Variants in SERINC2 observed in about 807,000 individuals in gnomAD.
SERINC2 encodes the protein serine incorporator 2, also known as tumor differentially expressed protein 2.
A neutral mutation model predicts 54.2 loss-of-function variants in SERINC2; 56 were observed. That is an observed-to-expected ratio of 1.03 (90% CI 0.83 to 1.29). SERINC2 has a LOEUF of 1.29. Among genes scored for constraint, SERINC2 ranks in the 50% most tolerant of loss-of-function variants. SERINC2 has a pLI of 0.00. For synonymous variants in SERINC2, 272 were observed against 253.1 expected (o/e 1.07, Z -0.71); for missense variants, 614 against 607.4 (o/e 1.01, Z -0.12).
Position 31,413,913 on chromosome 1 carries a change from C to G in SERINC2, c.39+609C>G. 1 of 1,483,288 alleles carries G rather than the reference C, an allele frequency of 6.7e-7. No individual in the cohort carries two copies. The highest frequency in any genetic ancestry group is 8.9e-7 in the Non-Finnish European group (1 of 1,124,560). 91.9% of individuals were successfully genotyped at this position (1,483,288 alleles called of 1,614,324 possible). Reference sequence around the variant, plus strand: ...CCCGTCCGCCCGTCCGTCCCTCAGTCTCTCTGCGGTCCCTTTACCGTCCTC... The same window carrying G: ...CCCGTCCGCCCGTCCGTCCCTCAGTGTCTCTGCGGTCCCTTTACCGTCCTC... On this transcript the variant is annotated intron_variant, in intron 1 of 9. Transcript: ENST00000373709. The surrounding 1 kb of genome is among the most constrained non-coding windows in gnomAD (Gnocchi z 5.0).
intron 8 of SERINC2, among the ~76,000 whole-genome samples, chr1:31,432,119 T>TGAGGGTGGAGAGGGTGGAGAGGGTGGA (rs1557501382): frequency 1.0e-4 from 1 of 9,726 alleles, no homozygotes; most frequent in Non-Finnish European, 1.8e-4. Context: ...GATAGGGTGG[T>TGAGGGTGGAGAGGGTGGAGAGGGTGGA]TAGGGTGGAT....
intron 6 of SERINC2, 127 bp from the exon 7 acceptor site, chr1:31,428,851 A>G: frequency 2.8e-6 from 2 of 722,520 alleles, no homozygotes; most frequent in Non-Finnish European, 2.5e-6. Context: ...TGTTTTCCCT[A>G]AGTGGGGTGT....
intron 1 of SERINC2, among the ~76,000 whole-genome samples, chr1:31,421,954 C>T (rs1434602855): frequency 6.6e-6 from 1 of 152,186 alleles, no homozygotes; most frequent in Non-Finnish European, 1.5e-5. Context: ...TTTGGTCTGG[C>T]AGTGTCTCCT....
At chr1:31,432,815 G>T (rs965103280) in intron 8 of SERINC2, 152 bp from the exon 9 acceptor site, 4 of 616,562 alleles carry the variant, frequency 6.5e-6, no homozygotes, top group Non-Finnish European at 8.6e-6. Context: ...ATGGGAGTGG[G>T]GGTAGGGGTA....
chr1:31,432,177 GGTGGATAGGGTGGTTAGA>G (rs1641308801), intron 8 of SERINC2, among the ~76,000 whole-genome samples: 6 of 148,258 alleles, frequency 4.0e-5, no homozygotes, highest in African/African-American at 7.5e-5. Flanking sequence ...GGGTGGATAG[GGTGGATAGGGTGGTTAGA>G]GTGGAGAGAG....
At position 31,413,766 on chromosome 1, in the gene SERINC2, C is replaced by G. The variant is rs1445034250; in HGVS notation, c.39+462C>G. ...GTGCCCTGCCCTACCCCTCTGGCCG[C>G]CTGCCAGTCCGCCTGTTCCTGTCGC... On this transcript the variant is annotated intron_variant, in intron 1 of 9. Coordinates refer to ENST00000373709, the MANE Select transcript of SERINC2 (RefSeq NM_178865.5). The surrounding 1 kb of genome is among the most constrained non-coding windows in gnomAD (Gnocchi z 5.0). 2.2e-6 allele frequency: 3 copies of G among 1,378,394 alleles called. No homozygotes were observed. Among genetic ancestry groups the G allele is most frequent in the Non-Finnish European group, 2.8e-6 (3 of 1,073,356 alleles). The allele number at this position is 1,378,394 out of a possible 1,614,324, so 85.4% of individuals were successfully genotyped here.
intron 3 of SERINC2, 111 bp from the exon 4 acceptor site, chr1:31,425,219 C>A: frequency 2.4e-6 from 2 of 841,688 alleles, no homozygotes; most frequent in Admixed American, 1.8e-5. Context: ...ACCCTCACCC[C>A]TCTCAGCACC....
In SERINC2 at chr1:31,426,948, C is replaced by T. The variant is rs1314484811; in HGVS notation, c.780+125C>T. The T allele has an allele frequency of 1.9e-5, 16 of 829,378 alleles. No individual in the cohort carries two copies. In the South Asian group the frequency reaches 2.6e-4, roughly 13 times the overall value. The allele number at this position is 829,378 out of a possible 1,614,324, so 51.4% of individuals were successfully genotyped here. A position where few individuals can be genotyped will look rare whatever the true frequency, so the allele number is the denominator to read the frequency against. ...GGCACGGCCTGAGTGTGTGGGCTCC[C>T]AGGTCAGCCTCCCCAGGTTATAGTC... On this transcript the variant is annotated intron_variant, in intron 6 of 9. Transcript: ENST00000373709.
chr1:31,432,156 CAGGGTGGAT>C (rs1184328936), intron 8 of SERINC2, among the ~76,000 whole-genome samples: 60 of 4,556 alleles, frequency 0.013, 9 homozygotes, highest in East Asian at 0.04. Context: ...ACAGGGTGGA[CAGGGTGGAT>C]AGGGTGGATA....
chr1:31,413,982 C>T lies in SERINC2; in HGVS notation c.39+678C>T, dbSNP rs552897655. 2.0e-6 allele frequency: 3 copies of T among 1,529,506 alleles called. No homozygotes were observed. The highest frequency in any genetic ancestry group is 2.4e-5 in the South Asian group (2 of 83,646). The allele number at this position is 1,529,506 out of a possible 1,614,324, so 94.7% of individuals were successfully genotyped here. Reference sequence around the variant, plus strand: ...TCTCAGGCACTTCCCCAGCTCGCCCCGGATCATCTGGGCCCCAGCGCGGAG... The same window carrying T: ...TCTCAGGCACTTCCCCAGCTCGCCCTGGATCATCTGGGCCCCAGCGCGGAG... On this transcript the variant is annotated intron_variant, in intron 1 of 9. Transcript: ENST00000373709. This position sits in a 1 kb window ranked among gnomAD's most constrained non-coding sequence, Gnocchi z 5.0.
chr1:31,427,251 A>G (rs1462011469), intron 6 of SERINC2, among the ~76,000 whole-genome samples: 1 of 152,140 alleles, frequency 6.6e-6, no homozygotes, highest in East Asian at 1.9e-4. Context: ...GTAGTGTAGG[A>G]AGGTGCAATT....
At chr1:31,432,084 T>TGGAC (rs1641279980) in intron 8 of SERINC2, among the ~76,000 whole-genome samples, 3 of 13,444 alleles carry the variant, frequency 2.2e-4, no homozygotes, top group Admixed American at 8.0e-4. Flanking sequence ...ACAGGGTGGT[T>TGGAC]AGGGTGGACA....
chr1:31,432,053 TGGACAG>T lies in SERINC2; in HGVS notation c.1014-911_1014-906del, dbSNP rs1641269966. On this transcript the variant is annotated intron_variant, in intron 8 of 9. Coordinates refer to ENST00000373709, the MANE Select transcript of SERINC2 (RefSeq NM_178865.5). The stretch of plus-strand genomic sequence containing the variant: ...GACAGGGTGGACAGGGTGGACAGGG[TGGACAG>T]GGTGGACAGGGTGGACAGGGTGGTT... 3.8e-5 allele frequency among the ~76,000 whole-genome samples: 5 copies of T among 131,054 alleles called. 1 individual carries two copies. The highest frequency in any genetic ancestry group is 1.6e-4 in the African/African-American group (5 of 31,662). 86.0% of individuals were successfully genotyped at this position (131,054 alleles called of 152,430 possible).
intron 1 of SERINC2, among the ~76,000 whole-genome samples, chr1:31,421,146 T>C (rs375915653): frequency 4.6e-5 from 7 of 152,104 alleles, no homozygotes; most frequent in African/African-American, 1.7e-4. Context: ...CTCATAGGAG[T>C]GCGAACCCTA....
chr1:31,432,204 A>ATAGGGTGGTTAGG (rs1641314479), intron 8 of SERINC2, among the ~76,000 whole-genome samples: 2 of 46,426 alleles, frequency 4.3e-5, no homozygotes, highest in Non-Finnish European at 5.1e-5. Flanking sequence ...GAGTGGAGAG[A>ATAGGGTGGTTAGG]GTGGACAGGG....
At chr1:31,431,867 A>ATAGGATGGT in intron 8 of SERINC2, among the ~76,000 whole-genome samples, 1 of 137,040 alleles carries the variant, frequency 7.3e-6, no homozygotes, top group African/African-American at 2.9e-5. Context: ...GATAGGGTGG[A>ATAGGATGGT]TAGGGTGGAC....
At chr1:31,432,890 C>A in intron 8 of SERINC2, 77 bp from the exon 9 acceptor site, 2 of 1,216,018 alleles carry the variant, frequency 1.6e-6, no homozygotes, top group Non-Finnish European at 2.3e-6. Flanking sequence ...GCCTCTGAGG[C>A]TCTGGGACCA....
Position 31,428,980 on chromosome 1 carries a change from C to T in SERINC2, c.783C>T (p.Asp261=), listed in dbSNP as rs558799797. 49 of 1,613,488 alleles carry T rather than the reference C, an allele frequency of 3.0e-5. No individual in the cohort carries two copies. The highest frequency in any genetic ancestry group is 4.0e-5 in the African/African-American group (3 of 74,830). Residue 261 remains aspartate, a splice_region_variant and synonymous_variant, in exon 7 of 10, where the codon GAC becomes GAT. Transcript: ENST00000373709. ...SIAAVLPKVQ[D]AQPNSGLLQA... The stretch of plus-strand genomic sequence containing the variant: ...CTTACCAGGGGTCCTCTTGCCAGGA[C>T]GCCCAGCCCAACTCGGGTCTGCTGC...
rs971982543 is a variant in SERINC2 at position 31,423,841 on chromosome 1, G to A, written c.188G>A (p.Ser63Asn). The A allele has an allele frequency of 2.5e-6, 4 of 1,613,858 alleles. No individual in the cohort carries two copies. The African/African-American group carries it at 4.0e-5, about 16-fold the overall frequency. Residue 63 changes from serine to asparagine, a missense_variant, in exon 2 of 10, where the codon AGT becomes AAT. Coordinates refer to ENST00000373709, the MANE Select transcript of SERINC2 (RefSeq NM_178865.5). ...SIIMLSPGVESQLYKLPWVCE... is the reference protein window; with the variant it reads ...SIIMLSPGVENQLYKLPWVCE... The stretch of plus-strand genomic sequence containing the variant: ...ATTATGCTGAGCCCGGGCGTGGAGA[G>A]TCAGCTCTACAAGGTGAGTGCCCCA...
Sources: allele counts gnomAD v4.1 joint callset (sites outside exome capture counted in the v4.1 genomes callset), GRCh38; gene constraint gnomAD v4.1.1; non-coding constraint Gnocchi (gnomAD v3.1); transcripts MANE v1.5; gene names NCBI Gene and HGNC (gene_info 2026-07-23, HGNC 2026-07-21).